USP34: variants seen among roughly 807,000 people sequenced by gnomAD.
USP34 encodes the protein ubiquitin carboxyl-terminal hydrolase 34.
USP34 carries 70 observed loss-of-function variants against 460.3 expected under a neutral mutation model. That is an observed-to-expected ratio of 0.15 (90% CI 0.13 to 0.19). The LOEUF is 0.19. Ranked by LOEUF, USP34 falls within the 10% of genes least tolerant of loss-of-function variation. The pLI, the probability that USP34 is intolerant of heterozygous loss-of-function variation, is 1.00. For missense variants in USP34, 3,985 were observed against 4,236.2 expected (o/e 0.94, Z 1.65); for synonymous variants, 1,647 against 1,405.3 (o/e 1.17, Z -3.85).
At position 61,347,900 on chromosome 2, in the gene USP34, T is replaced by C; in HGVS notation, c.2255A>G (p.His752Arg). The stretch of plus-strand genomic sequence containing the variant: ...GTGGTGGTGGTGATGGTGGTGGTGG[T>C]GGTGGTGATGCTGTGGACCAATAAA... ...RQFIGPQHHHHHHHHHHHHDG... is the reference protein window; with the variant it reads ...RQFIGPQHHHRHHHHHHHHDG... Residue 752 changes from histidine to arginine, a missense_variant, in exon 15 of 80, where the codon CAC (histidine) becomes CGC (arginine). His to Arg is a conservative substitution (Grantham distance 29, BLOSUM62 0). This residue lies in a region of USP34 where 716 missense variants were observed against 626.2 expected (regional missense o/e 1.14). Coordinates refer to ENST00000398571, the MANE Select transcript of USP34 (RefSeq NM_014709.4). 4 of 1,613,626 alleles carry C rather than the reference T, an allele frequency of 2.5e-6. No homozygotes were observed. The highest frequency in any genetic ancestry group is 3.4e-6 in the Non-Finnish European group (4 of 1,179,740).
chr2:61,223,375 T>A, intron 62 of USP34, 79 bp from the exon 63 acceptor site: 1 of 1,387,466 alleles, frequency 7.2e-7, no homozygotes, highest in Non-Finnish European at 1.0e-6. Context: ...GTATCAAAAA[T>A]TGTTGATTCA....
chr2:61,408,435 T>C (rs1259113139), intron 2 of USP34, among the ~76,000 whole-genome samples: 1 of 152,202 alleles, frequency 6.6e-6, no homozygotes, highest in Non-Finnish European at 1.5e-5. Flanking sequence ...ACATCTTTTT[T>C]ATCTGTGGCA....
At chr2:61,366,595 G>A (rs548718238) in intron 10 of USP34, among the ~76,000 whole-genome samples, 8 of 152,274 alleles carry the variant, frequency 5.3e-5, no homozygotes, top group Non-Finnish European at 1.2e-4. Context: ...AACCTGAAAT[G>A]AAAGCTTGAT....
rs60784334 is a variant in USP34, at chr2:61,220,151, TAAAAAAAAAAAAAAAAAA to T, written c.8047+141_8047+158del. ...CAAGAAATAACATGGTTTCCTATCC[TAAAAAAAAAAAAAAAAAA>T]AAAAAAAAAAAAAGGAAATAACATC... On this transcript the variant is annotated intron_variant, in intron 67 of 79. Coordinates refer to ENST00000398571, the MANE Select transcript of USP34 (RefSeq NM_014709.4). 126 of 169,414 alleles carry T rather than the reference TAAAAAAAAAAAAAAAAAA, an allele frequency of 7.4e-4. 1 individual carries two copies. Among genetic ancestry groups the T allele is most frequent in the East Asian group, 1.7e-3 (11 of 6,312 alleles). 10.5% of individuals were successfully genotyped at this position (169,414 alleles called of 1,614,324 possible).
intron 79 of USP34, 23 bp from the exon 80 acceptor site, chr2:61,188,732 G>C (rs748267814): frequency 6.2e-7 from 1 of 1,602,344 alleles, no homozygotes; most frequent in African/African-American, 1.3e-5. Flanking sequence ...ATGCCAAAAG[G>C]GAAACTTCTC....
At chr2:61,421,797 A>ACACG (rs1553387593) in intron 1 of USP34, among the ~76,000 whole-genome samples, 17,405 of 147,170 alleles carry the variant, frequency 0.12, 1,425 homozygotes, top group South Asian at 0.35. Flanking sequence ...ACACACACAC[A>ACACG]CGCGCGCGCG....
At chr2:61,446,932 T>A (rs944077360) in intron 1 of USP34, among the ~76,000 whole-genome samples, 1 of 152,148 alleles carries the variant, frequency 6.6e-6, no homozygotes, top group Non-Finnish European at 1.5e-5. Context: ...ATCTTTCCAA[T>A]GTTGACACAT....
At chr2:61,202,249 C>T (rs570058041) in intron 75 of USP34, among the ~76,000 whole-genome samples, 2 of 152,226 alleles carry the variant, frequency 1.3e-5, no homozygotes, top group African/African-American at 4.8e-5. Context: ...GAGAGGGCTA[C>T]GACTGATGAG....
In USP34 at chr2:61,187,976, T is replaced by A; in HGVS notation, c.*126A>T. 6.8e-7 allele frequency: 1 copy of A among 1,461,820 alleles called. No individual in the cohort carries two copies. The highest frequency in any genetic ancestry group is 1.5e-5 in the South Asian group (1 of 65,614). The allele number at this position is 1,461,820 out of a possible 1,614,324, so 90.6% of individuals were successfully genotyped here. On this transcript the variant is annotated 3_prime_UTR_variant, in exon 80 of 80. Coordinates refer to ENST00000398571, the MANE Select transcript of USP34 (RefSeq NM_014709.4). ...CCTGACCAAGAATTAAGCCTATAAATCTATCTTGCCATTCAAGCAGAGAGC... is the reference window on the plus strand; with the variant it reads ...CCTGACCAAGAATTAAGCCTATAAAACTATCTTGCCATTCAAGCAGAGAGC...
chr2:61,357,809 A>G (rs1405099028), intron 10 of USP34, among the ~76,000 whole-genome samples: 1 of 152,220 alleles, frequency 6.6e-6, no homozygotes. Flanking sequence ...AGGCTAAGGC[A>G]GAAGGACTGC....
intron 10 of USP34, among the ~76,000 whole-genome samples, chr2:61,351,859 C>T (rs1691951772): frequency 6.6e-6 from 1 of 152,140 alleles, no homozygotes; most frequent in South Asian, 2.1e-4. Context: ...AATGGCAGTA[C>T]TTCAATACTA....
chr2:61,271,460 C>T lies in USP34; in HGVS notation c.5434-5293G>A, dbSNP rs373947457. On this transcript the variant is annotated intron_variant, in intron 41 of 79. Transcript: ENST00000398571. ...TGCATAAGACAAATGTACTGTTTGA[C>T]TGTCAGTTCTAAGAATCAGGTCTGA... Among the ~76,000 whole-genome samples the T allele has an allele frequency of 9.2e-5, 14 of 152,260 alleles. No individual in the cohort carries two copies. The East Asian group carries it at 2.3e-3, about 25-fold the overall frequency.
intron 62 of USP34, chr2:61,223,553 G>A (rs1572848323): frequency 7.8e-6 from 3 of 384,962 alleles, no homozygotes; most frequent in Admixed American, 8.7e-5. Flanking sequence ...AAAACAGTAG[G>A]ATGGGTCTTA....
At chr2:61,327,287 GC>G (rs1171665108) in intron 20 of USP34, among the ~76,000 whole-genome samples, 1 of 152,142 alleles carries the variant, frequency 6.6e-6, no homozygotes, top group African/African-American at 2.4e-5. Context: ...ATTAACTTTT[GC>G]CTCATTAATG....
At position 61,359,726 on chromosome 2, in the gene USP34, C is replaced by T. The variant is rs1307028648; in HGVS notation, c.1252-9033G>A. On this transcript the variant is annotated intron_variant, in intron 10 of 79. Coordinates refer to ENST00000398571, the MANE Select transcript of USP34 (RefSeq NM_014709.4). ...TGATAAAAACGCTCAAAAGAACAGG[C>T]ATAGAAGGAACTTACCTCAGCATAA... Among the ~76,000 whole-genome samples the T allele has an allele frequency of 4.7e-5, 7 of 147,488 alleles. No individual in the cohort carries two copies. The East Asian group carries it at 7.9e-4, about 17-fold the overall frequency.
At chr2:61,362,850 T>A (rs1248560077) in intron 10 of USP34, among the ~76,000 whole-genome samples, 1 of 152,226 alleles carries the variant, frequency 6.6e-6, no homozygotes, top group Non-Finnish European at 1.5e-5. Context: ...CATCAAGTTG[T>A]ACACCTTAAA....
intron 1 of USP34, among the ~76,000 whole-genome samples, chr2:61,430,162 C>T (rs1694626163): frequency 6.6e-6 from 1 of 151,040 alleles, no homozygotes; most frequent in Non-Finnish European, 1.5e-5. Context: ...TTTCAGTGAG[C>T]CAAGATCGTG....
chr2:61,364,625 T>C (rs1375848002), intron 10 of USP34, among the ~76,000 whole-genome samples: 3 of 152,088 alleles, frequency 2.0e-5, no homozygotes, highest in Non-Finnish European at 2.9e-5. Context: ...AAAGTACATA[T>C]ATATTAAAAG....
At chr2:61,331,219 T>C (rs1029636392) in intron 20 of USP34, 57 bp downstream of exon 20, 18 of 1,424,406 alleles carry the variant, frequency 1.3e-5, no homozygotes, top group Middle Eastern at 1.8e-4. Flanking sequence ...TGGAAAATCA[T>C]CTTTCAAAGG....
Sources: gnomAD v4.1 joint callset for allele counts (sites outside exome capture counted in the v4.1 genomes callset) on GRCh38, gnomAD v4.1.1 for gene constraint, gnomAD v4.1.1 regional missense constraint, MANE v1.5 for transcripts, NCBI Gene and HGNC (gene_info 2026-07-23, HGNC 2026-07-21) for gene names.